The following CMIP variants were observed in gnomAD, a reference collection of about 807,000 sequenced individuals.
CMIP encodes the protein c-Maf inducing protein, also known as C-Maf-inducing protein.
In CMIP, 13 loss-of-function variants were observed where a neutral mutation model predicts 97.3. The ratio of observed to expected loss-of-function variants is 0.13; its 90% confidence interval spans 0.09 to 0.21. CMIP has a LOEUF of 0.21. Ranked by LOEUF, CMIP falls within the 10% of genes least tolerant of loss-of-function variation. The pLI is 1.00. For synonymous variants in CMIP, 538 were observed against 436.3 expected (o/e 1.23, Z -2.91); for missense variants, 847 against 1,024.9 (o/e 0.83, Z 2.37).
chr16:81,643,630 A>T (rs1314411529), intron 3 of CMIP, among the ~76,000 whole-genome samples: 1 of 152,076 alleles, frequency 6.6e-6, no homozygotes, highest in African/African-American at 2.4e-5. Flanking sequence ...CATCTCTACT[A>T]AAAATACAAA....
chr16:81,675,417 C>T (rs1463603004), intron 9 of CMIP, among the ~76,000 whole-genome samples: 1 of 149,550 alleles, frequency 6.7e-6, no homozygotes, highest in African/African-American at 2.5e-5. Flanking sequence ...TGGGGTTTCG[C>T]CATGTTGGCC....
chr16:81,525,360 C>G (rs1234526180), intron 1 of CMIP, among the ~76,000 whole-genome samples: 1 of 152,050 alleles, frequency 6.6e-6, no homozygotes, highest in Non-Finnish European at 1.5e-5. Flanking sequence ...CCAGGCTGGT[C>G]TTAAACTCCT....
At chr16:81,529,642 A>G (rs1221319909) in intron 1 of CMIP, among the ~76,000 whole-genome samples, 1 of 152,188 alleles carries the variant, frequency 6.6e-6, no homozygotes, top group African/African-American at 2.4e-5. Flanking sequence ...CAGGGGGGCC[A>G]GTGTCATCAC....
intron 1 of CMIP, among the ~76,000 whole-genome samples, chr16:81,604,159 C>A (rs1052029324): frequency 2.0e-5 from 3 of 151,548 alleles, no homozygotes; most frequent in African/African-American, 7.3e-5. Flanking sequence ...TTTGGGAGGC[C>A]GAGGCAGGAG....
At position 81,709,911 on chromosome 16, in the gene CMIP, T is replaced by C. The variant is rs532038254; in HGVS notation, c.*112T>C. Reference sequence around the variant, plus strand: ...CCACCCTGGTGCCCTGGCTGTGAGATAGATGGGGAGTCTTTCTGGGGGCGG... The same window carrying C: ...CCACCCTGGTGCCCTGGCTGTGAGACAGATGGGGAGTCTTTCTGGGGGCGG... On this transcript the variant is annotated 3_prime_UTR_variant, in exon 21 of 21. Coordinates refer to ENST00000537098, the MANE Select transcript of CMIP (RefSeq NM_198390.3). The C allele has an allele frequency of 1.0e-4, 55 of 525,448 alleles. No individual in the cohort carries two copies. The African/African-American group carries it at 1.2e-3, about 12-fold the overall frequency. 32.5% of individuals were successfully genotyped at this position (525,448 alleles called of 1,614,324 possible).
At chr16:81,705,695 C>G in intron 19 of CMIP, 91 bp downstream of exon 19, 1 of 772,490 alleles carries the variant, frequency 1.3e-6, no homozygotes, top group South Asian at 1.6e-5. Context: ...TGACTTTGCA[C>G]CATGCACAGA....
chr16:81,631,537 A>C (rs2092159049), intron 3 of CMIP: 1 of 152,264 alleles, frequency 6.6e-6, no homozygotes, highest in Non-Finnish European at 1.5e-5. Flanking sequence ...TGCTATCCTG[A>C]CTTCTAGCAG....
intron 1 of CMIP, among the ~76,000 whole-genome samples, chr16:81,501,129 G>A (rs933860141): frequency 3.9e-5 from 6 of 152,224 alleles, no homozygotes; most frequent in South Asian, 2.1e-4. Context: ...TCAGGCCAGC[G>A]TCCTCCGTTT....
intron 3 of CMIP, chr16:81,651,390 C>G: frequency 1.0e-6 from 1 of 978,404 alleles, no homozygotes; most frequent in South Asian, 4.7e-5. Flanking sequence ...GCCCCTGTCC[C>G]AACCGCTCTC....
chr16:81,669,631 T>TCCTTCCACACCCACCTCACA (rs200798162), intron 7 of CMIP, among the ~76,000 whole-genome samples: 2 of 106,470 alleles, frequency 1.9e-5, no homozygotes, highest in Non-Finnish European at 3.9e-5. Flanking sequence ...ACCTCTCACC[T>TCCTTCCACACCCACCTCACA]CCTTCCACAC....
chr16:81,493,049 G>T (rs997269027), intron 1 of CMIP, among the ~76,000 whole-genome samples: 5 of 152,176 alleles, frequency 3.3e-5, no homozygotes, highest in Admixed American at 2.0e-4. Context: ...GGGAGGAGCC[G>T]CTGGCGGGGG....
rs1350771341 is a variant in CMIP, at chr16:81,668,902, A to ACTCATTG, written c.826-1239_826-1238insTCATTGC. Among the ~76,000 whole-genome samples, 6 of 126,262 alleles carry ACTCATTG rather than the reference A, an allele frequency of 4.8e-5. No individual in the cohort carries two copies. The East Asian group carries it at 9.9e-4, about 21-fold the overall frequency. 82.8% of individuals were successfully genotyped at this position (126,262 alleles called of 152,430 possible). A position where few individuals can be genotyped will look rare whatever the true frequency, so the allele number is the denominator to read the frequency against. The stretch of plus-strand genomic sequence containing the variant: ...TCATTGCCTTCCGTACCCACCTCAC[A>ACTCATTG]CCTTCCACACCCACCTCACACTCAC... On this transcript the variant is annotated intron_variant, in intron 7 of 20. Coordinates refer to ENST00000537098, the MANE Select transcript of CMIP (RefSeq NM_198390.3).
chr16:81,566,784 T>C (rs952602542), intron 1 of CMIP, among the ~76,000 whole-genome samples: 4 of 152,172 alleles, frequency 2.6e-5, no homozygotes, highest in Non-Finnish European at 4.4e-5. Context: ...GATAAACCAA[T>C]TGTGGCATAG....
At chr16:81,613,695 G>A (rs1222027189) in intron 2 of CMIP, among the ~76,000 whole-genome samples, 1 of 152,204 alleles carries the variant, frequency 6.6e-6, no homozygotes, top group African/African-American at 2.4e-5. Context: ...GGAAGAGAGG[G>A]AATCAGAGCT....
At chr16:81,613,617 G>A (rs182531008) in intron 2 of CMIP, among the ~76,000 whole-genome samples, 1 of 152,204 alleles carries the variant, frequency 6.6e-6, no homozygotes, top group Admixed American at 6.5e-5. Flanking sequence ...ACTGTGCCTG[G>A]TACTTAGTAG....
intron 3 of CMIP, among the ~76,000 whole-genome samples, chr16:81,642,334 G>T (rs563580506): frequency 1.3e-5 from 2 of 152,226 alleles, no homozygotes; most frequent in East Asian, 3.9e-4. Flanking sequence ...CATAGAGACA[G>T]TGCCCCACTC....
At chr16:81,702,800 C>G (rs765656849) in intron 17 of CMIP, 131 bp downstream of exon 17, 1 of 751,454 alleles carries the variant, frequency 1.3e-6, no homozygotes, top group Non-Finnish European at 2.3e-6. Flanking sequence ...CCCCCTAGTA[C>G]TTAACACGCC....
intron 1 of CMIP, among the ~76,000 whole-genome samples, chr16:81,597,656 C>T (rs2091583333): frequency 6.6e-6 from 1 of 152,022 alleles, no homozygotes; most frequent in Admixed American, 6.5e-5. Context: ...GGGACACCTG[C>T]ACCCAGGCCC....
chr16:81,485,361 C>A (rs1478266936), intron 1 of CMIP, among the ~76,000 whole-genome samples: 2 of 152,218 alleles, frequency 1.3e-5, no homozygotes, highest in African/African-American at 4.8e-5. Context: ...CGAGCTATTT[C>A]TACCTTTTGT....
Sources: gnomAD v4.1 joint callset for allele counts (sites outside exome capture counted in the v4.1 genomes callset) on GRCh38, gnomAD v4.1.1 for gene constraint, MANE v1.5 for transcripts, NCBI Gene and HGNC (gene_info 2026-07-23, HGNC 2026-07-21) for gene names.